Variants in STAT1 observed in about 807,000 individuals in gnomAD.
The protein encoded by STAT1 is signal transducer and activator of transcription 1-alpha/beta.
Under a neutral mutation model 111.7 loss-of-function variants are expected in STAT1, and 24 were observed. That is an observed-to-expected ratio of 0.21 (90% CI 0.16 to 0.30). The LOEUF is 0.30. Among genes scored for constraint, STAT1 ranks in the 10% least tolerant of loss-of-function variants. The probability of loss-of-function intolerance (pLI) is 1.00; values close to 1 mark genes in which losing one functional copy is unlikely to be tolerated. For missense variants in STAT1, 351 were observed against 911.9 expected, an observed-to-expected ratio of 0.38 and a Z score of 7.92; for synonymous variants, 332 against 326.5, an observed-to-expected ratio of 1.02 and a Z score of -0.18.
intron 10 of STAT1, among the ~76,000 whole-genome samples, chr2:190,994,207 A>G (rs564079237): frequency 2.0e-5 from 3 of 152,306 alleles, no homozygotes; most frequent in African/African-American, 4.8e-5. Flanking sequence ...CATGGCCCCT[A>G]TAGGAATCAG....
At position 190,971,916 on chromosome 2, in the gene STAT1, T is replaced by C. The variant is rs1691510150; in HGVS notation, c.2239-1199A>G. The stretch of plus-strand genomic sequence containing the variant: ...TTAGTAGAGATGGGGTTTCACCGTG[T>C]TGGCCAGGCTGGTCTCAAACTCCTG... On this transcript the variant is annotated intron_variant, in intron 24 of 24. Coordinates refer to ENST00000361099, the MANE Select transcript of STAT1 (RefSeq NM_007315.4). The surrounding 1 kb of genome is among the most constrained non-coding windows in gnomAD (Gnocchi z 4.1). Among the ~76,000 whole-genome samples the C allele has an allele frequency of 6.6e-6, 1 of 152,170 alleles. No homozygotes were observed. Among genetic ancestry groups the C allele is most frequent in the African/African-American group, 2.4e-5 (1 of 41,428 alleles).
chr2:190,974,782 GCACA>G lies in STAT1; in HGVS notation c.2238+44_2238+47del, dbSNP rs1466433305. ...GCCATGGTGCGCTCCCTGCCTCTGA[GCACA>G]CACACTTATTGAGAGCTACACACAG... On this transcript the variant is annotated intron_variant, in intron 24 of 24. Coordinates refer to ENST00000361099, the MANE Select transcript of STAT1 (RefSeq NM_007315.4). The surrounding 1 kb of genome is among the most constrained non-coding windows in gnomAD (Gnocchi z 4.8). The G allele has an allele frequency of 6.6e-7, 1 of 1,524,110 alleles. No homozygotes were observed. Among genetic ancestry groups the G allele is most frequent in the Non-Finnish European group, 9.1e-7 (1 of 1,098,150 alleles). 94.4% of individuals were successfully genotyped at this position (1,524,110 alleles called of 1,614,324 possible).
At position 190,994,328 on chromosome 2, in the gene STAT1, T is replaced by C. The variant is rs62179904; in HGVS notation, c.944+733A>G. On this transcript the variant is annotated intron_variant, in intron 10 of 24. Coordinates refer to ENST00000361099, the MANE Select transcript of STAT1 (RefSeq NM_007315.4). Reference sequence around the variant, plus strand: ...CGTGAATGCCCAGCTGGGCATTCACTTGGATCAGCAGGTGATGAGGAACCA... The same window carrying C: ...CGTGAATGCCCAGCTGGGCATTCACCTGGATCAGCAGGTGATGAGGAACCA... Among the ~76,000 whole-genome samples, 532 of 150,260 alleles carry C rather than the reference T, an allele frequency of 3.5e-3. 3 individuals are homozygous for C. Among genetic ancestry groups the C allele is most frequent in the Middle Eastern group, 0.027 (8 of 294 alleles).
At position 191,004,238 on chromosome 2, in the gene STAT1, T is replaced by C. The variant is rs1278935246; in HGVS notation, c.373-3075A>G. Among the ~76,000 whole-genome samples the C allele has an allele frequency of 6.6e-6, 1 of 152,232 alleles. No individual in the cohort carries two copies. Among genetic ancestry groups the C allele is most frequent in the Non-Finnish European group, 1.5e-5 (1 of 68,040 alleles). Reference sequence around the variant, plus strand: ...ACTTTCACAGTGAGTCCTTAACTTTTTAACTTTCTAAGAAACCAGGAGTAC... The same window carrying C: ...ACTTTCACAGTGAGTCCTTAACTTTCTAACTTTCTAAGAAACCAGGAGTAC... On this transcript the variant is annotated intron_variant, in intron 5 of 24. Coordinates refer to ENST00000361099, the MANE Select transcript of STAT1 (RefSeq NM_007315.4). The surrounding 1 kb of genome is among the most constrained non-coding windows in gnomAD (Gnocchi z 5.0).
At position 190,979,878 on chromosome 2, in the gene STAT1, C is replaced by CA. The variant is rs748055688; in HGVS notation, c.1633-13dup. On this transcript the variant is annotated splice_polypyrimidine_tract_variant and intron_variant, in intron 19 of 24. Transcript: ENST00000361099. The surrounding 1 kb of genome is among the most constrained non-coding windows in gnomAD (Gnocchi z 5.8). The stretch of plus-strand genomic sequence containing the variant: ...TCATTTATATTTTCCTGAAAGTATA[C>CA]AAATGCAGACATTATGAACAAAAAT... 40 of 1,546,166 alleles carry CA rather than the reference C, an allele frequency of 2.6e-5. No homozygotes were observed. The African/African-American group carries it at 5.4e-4, about 21-fold the overall frequency.
rs560048673 is a variant in STAT1, at chr2:191,004,863, TGAAA to T, written c.372+2696_372+2699del. 1.6e-4 allele frequency among the ~76,000 whole-genome samples: 25 copies of T among 152,270 alleles called. No homozygotes were observed. The East Asian group carries it at 3.9e-3, about 24-fold the overall frequency. On this transcript the variant is annotated intron_variant, in intron 5 of 24. Transcript: ENST00000361099. This position sits in a 1 kb window ranked among gnomAD's most constrained non-coding sequence, Gnocchi z 5.0. ...CCACCTCATGTCTTTCCCTCCCACCTGAAAGAAATTCTCCCCATCCCTTCAGACC... is the reference window on the plus strand; with the variant it reads ...CCACCTCATGTCTTTCCCTCCCACCTGAAATTCTCCCCATCCCTTCAGACC...
rs1357437713 is a variant in STAT1, at chr2:190,995,101, A to G, written c.904T>C (p.Trp302Arg). Residue 302 changes from tryptophan to arginine, a missense_variant, in exon 10 of 25, where the codon TGG becomes CGG. By Grantham distance (101) the Trp-to-Arg change is moderately radical (BLOSUM62 -3). This residue lies in a region of STAT1 where 16 missense variants were observed against 23.7 expected (regional missense o/e 0.67). Transcript: ENST00000361099. The surrounding 1 kb of genome is among the most constrained non-coding windows in gnomAD (Gnocchi z 4.2). Reference protein sequence around the residue: ...DPITKNKQVLWDRTFSLFQQL... With the variant: ...DPITKNKQVLRDRTFSLFQQL... ...TGGAAAAGACTGAAGGTGCGGTCCC[A>G]TAACACTTGTTTGTTTTTTGTGATA... is the stretch of plus-strand genomic sequence containing the variant. The G allele has an allele frequency of 6.2e-7, 1 of 1,613,892 alleles. No individual in the cohort carries two copies. Among genetic ancestry groups the G allele is most frequent in the Admixed American group, 1.7e-5 (1 of 59,982 alleles).
At chr2:190,972,628 G>A (rs1382208679) in intron 24 of STAT1, among the ~76,000 whole-genome samples, 1 of 152,146 alleles carries the variant, frequency 6.6e-6, no homozygotes, top group Non-Finnish European at 1.5e-5. Flanking sequence ...CATGGCCAAG[G>A]GGCAGGACAG....
In STAT1 at chr2:191,007,706, G is replaced by T; in HGVS notation, c.274-45C>A. 1 of 1,380,102 alleles carries T rather than the reference G, an allele frequency of 7.2e-7. No homozygotes were observed. The highest frequency in any genetic ancestry group is 1.0e-6 in the Non-Finnish European group (1 of 969,890). 85.5% of individuals were successfully genotyped at this position (1,380,102 alleles called of 1,614,324 possible). ...ACAAAAATAAATTAAAATGCAGAAT[G>T]TTTACTTTATTGTGTATTGTAAGTT... On this transcript the variant is annotated intron_variant, in intron 4 of 24. Transcript: ENST00000361099. The surrounding 1 kb of genome is among the most constrained non-coding windows in gnomAD (Gnocchi z 4.2).
chr2:191,002,630 T>C (rs1241262101), intron 5 of STAT1, among the ~76,000 whole-genome samples: 1 of 152,216 alleles, frequency 6.6e-6, no homozygotes, highest in Non-Finnish European at 1.5e-5. Context: ...TGTTTTTAAT[T>C]CTTATGCTTC....
intron 4 of STAT1, among the ~76,000 whole-genome samples, chr2:191,008,317 C>G (rs1364757151): frequency 6.6e-6 from 1 of 152,150 alleles, no homozygotes; most frequent in African/African-American, 2.4e-5. Flanking sequence ...TAGCTTTCAC[C>G]TCCATTAAAA....
In STAT1 at chr2:190,993,593, C is replaced by T. The variant is rs908506924; in HGVS notation, c.944+1468G>A. On this transcript the variant is annotated intron_variant, in intron 10 of 24. Transcript: ENST00000361099. The surrounding 1 kb of genome is among the most constrained non-coding windows in gnomAD (Gnocchi z 4.1). ...GTCACTGTAGCTGCCACCGCTGCCA[C>T]GGCCACCCTTGCTGCTACAGCTGCT... 13 of 594,430 alleles carry T rather than the reference C, an allele frequency of 2.2e-5. No homozygotes were observed. Among genetic ancestry groups the T allele is most frequent in the East Asian group, 1.1e-4 (3 of 27,774 alleles). 36.8% of individuals were successfully genotyped at this position (594,430 alleles called of 1,614,324 possible).
In STAT1 at chr2:190,993,281, T is replaced by G; in HGVS notation, c.944+1780A>C. 1.6e-6 allele frequency: 1 copy of G among 639,164 alleles called. No homozygotes were observed. Among genetic ancestry groups the G allele is most frequent in the South Asian group, 1.6e-5 (1 of 63,336 alleles). 39.6% of individuals were successfully genotyped at this position (639,164 alleles called of 1,614,324 possible). ...CTGTTTAATATTATTGAAGGACTCC[T>G]GATCTGTCACATCATACACCACTAG... is the stretch of plus-strand genomic sequence containing the variant. On this transcript the variant is annotated intron_variant, in intron 10 of 24. Transcript: ENST00000361099. This position sits in a 1 kb window ranked among gnomAD's most constrained non-coding sequence, Gnocchi z 4.1.
rs544100253 is a variant in STAT1 at position 190,973,764 on chromosome 2, G to A, written c.2238+1066C>T. Among the ~76,000 whole-genome samples, 7 of 152,192 alleles carry A rather than the reference G, an allele frequency of 4.6e-5. No individual in the cohort carries two copies. Among genetic ancestry groups the A allele is most frequent in the South Asian group, 2.1e-4 (1 of 4,824 alleles). On this transcript the variant is annotated intron_variant, in intron 24 of 24. Coordinates refer to ENST00000361099, the MANE Select transcript of STAT1 (RefSeq NM_007315.4). This position sits in a 1 kb window ranked among gnomAD's most constrained non-coding sequence, Gnocchi z 4.4. ...ACTGTTTTTCTAAATGGCCTATTTC[G>A]TCAACAACAATCAGGAAAGTGTAGG...
At position 190,991,262 on chromosome 2, in the gene STAT1, A is replaced by G; in HGVS notation, c.1003T>C (p.Leu335=). ...ACAGTGAACTGGACCCCTGTCTTCA[A>G]GACCAGCGGCCTCTGAGGGTGCGTT... The part of the protein sequence containing the change: ...MPTHPQRPLV[L]KTGVQFTVKL... The change falls in exon 11 of 25, where the codon TTG becomes CTG. Residue 335 remains leucine, a synonymous_variant. Transcript: ENST00000361099. 6.2e-7 allele frequency: 1 copy of G among 1,614,156 alleles called. No homozygotes were observed. Among genetic ancestry groups the G allele is most frequent in the Non-Finnish European group, 8.5e-7 (1 of 1,180,014 alleles).
chr2:190,978,512 G>A lies in STAT1; in HGVS notation c.1873+344C>T. The stretch of plus-strand genomic sequence containing the variant: ...ACTCTACTCTGGGATGACCCTAAGA[G>A]AATGTGGATGCTTACTCCTGTGGGA... On this transcript the variant is annotated intron_variant, in intron 21 of 24. Coordinates refer to ENST00000361099, the MANE Select transcript of STAT1 (RefSeq NM_007315.4). The surrounding 1 kb of genome is among the most constrained non-coding windows in gnomAD (Gnocchi z 6.1). 1.3e-5 allele frequency: 5 copies of A among 370,894 alleles called. No homozygotes were observed. Among genetic ancestry groups the A allele is most frequent in the South Asian group, 8.6e-5 (4 of 46,674 alleles). The allele number at this position is 370,894 out of a possible 1,614,324, so 23.0% of individuals were successfully genotyped here.
At position 190,986,238 on chromosome 2, in the gene STAT1, C is replaced by A. The variant is rs891807529; in HGVS notation, c.1222-578G>T. Among the ~76,000 whole-genome samples, 6 of 152,182 alleles carry A rather than the reference C, an allele frequency of 3.9e-5. No individual in the cohort carries two copies. The highest frequency in any genetic ancestry group is 8.8e-5 in the Non-Finnish European group (6 of 68,026). ...AGTGAAAAAGGATGCCTTTAACCTC[C>A]TGCAGGTTCTGGGCCCAGGGAAAGC... On this transcript the variant is annotated intron_variant, in intron 14 of 24. Transcript: ENST00000361099. The surrounding 1 kb of genome is among the most constrained non-coding windows in gnomAD (Gnocchi z 5.0).
chr2:190,996,908 T>C lies in STAT1; in HGVS notation c.785+948A>G, dbSNP rs1693900186. Among the ~76,000 whole-genome samples, 1 of 152,136 alleles carries C rather than the reference T, an allele frequency of 6.6e-6. No homozygotes were observed. Among genetic ancestry groups the C allele is most frequent in the African/African-American group, 2.4e-5 (1 of 41,420 alleles). On this transcript the variant is annotated intron_variant, in intron 9 of 24. Transcript: ENST00000361099. This position sits in a 1 kb window ranked among gnomAD's most constrained non-coding sequence, Gnocchi z 4.5. The stretch of plus-strand genomic sequence containing the variant: ...AACTGGTCTTTCTGTCTCTATCCTA[T>C]CCTCCAGGCTGTGGCCAGAGTGCCC...
rs772423328 is a variant in STAT1, at chr2:191,003,476, C to T, written c.373-2313G>A. Among the ~76,000 whole-genome samples, 10 of 152,192 alleles carry T rather than the reference C, an allele frequency of 6.6e-5. No homozygotes were observed. Among genetic ancestry groups the T allele is most frequent in the Admixed American group, 2.6e-4 (4 of 15,282 alleles). ...GGCCTGGTGGAAGGTGACTGGATCA[C>T]GGGGACAGTTTCTCATGAATAGTTT... On this transcript the variant is annotated intron_variant, in intron 5 of 24. Transcript: ENST00000361099. The surrounding 1 kb of genome is among the most constrained non-coding windows in gnomAD (Gnocchi z 4.0).
Sources: allele counts gnomAD v4.1 joint callset (sites outside exome capture counted in the v4.1 genomes callset), GRCh38; gene constraint gnomAD v4.1.1; regional missense constraint gnomAD v4.1.1; non-coding constraint Gnocchi (gnomAD v3.1); transcripts MANE v1.5; gene names NCBI Gene and HGNC (gene_info 2026-07-23, HGNC 2026-07-21).